ABCB1: variants seen among roughly 807,000 people sequenced by gnomAD.
The protein encoded by ABCB1 is ATP-dependent translocase ABCB1.
A neutral mutation model predicts 142.0 loss-of-function variants in ABCB1; 69 were observed. The ratio of observed to expected loss-of-function variants is 0.49; its 90% CI spans 0.40 to 0.59. The LOEUF (loss-of-function observed/expected upper bound fraction) is 0.59, where lower values mean the gene tolerates loss of function less well. ABCB1 is among the 20% of genes least tolerant of loss of function. ABCB1 has a pLI of 0.00. For missense variants in ABCB1, 1,326 were observed against 1,554.7 expected (o/e 0.85, Z 2.47); for synonymous variants, 532 against 539.2 (o/e 0.99, Z 0.18).
chr7:87,677,323 C>T (rs1450233880), intron 1 of ABCB1, among the ~76,000 whole-genome samples: 1 of 142,340 alleles, frequency 7.0e-6, no homozygotes, highest in Non-Finnish European at 1.5e-5. Context: ...CAATGGAATA[C>T]CATTTCAGAT....
intron 1 of ABCB1, among the ~76,000 whole-genome samples, chr7:87,663,529 T>C (rs1055999640): frequency 1.3e-5 from 2 of 152,182 alleles, no homozygotes; most frequent in East Asian, 1.9e-4. Context: ...AAACTTCCAT[T>C]ATTTTTCTAC....
intron 1 of ABCB1, among the ~76,000 whole-genome samples, chr7:87,689,721 A>G (rs988444235): frequency 6.6e-6 from 1 of 152,132 alleles, no homozygotes; most frequent in Admixed American, 6.5e-5. Context: ...CATCTTTCTG[A>G]TGTTCTAATT....
At chr7:87,626,052 TCTCATTCTGTCGCCCAGGCTGAG>T (rs1820430830) in intron 1 of ABCB1, among the ~76,000 whole-genome samples, 1 of 135,644 alleles carries the variant, frequency 7.4e-6, no homozygotes, top group Non-Finnish European at 1.6e-5. Context: ...AGAGATGGAG[TCTCATTCTGTCGCCCAGGCTGAG>T]ACATATATAT....
At chr7:87,640,984 AT>A (rs1331336521) in intron 1 of ABCB1, among the ~76,000 whole-genome samples, 2 of 152,184 alleles carry the variant, frequency 1.3e-5, no homozygotes, top group South Asian at 2.1e-4. Flanking sequence ...TAAAGTTCTT[AT>A]TAATTTAGAA....
At chr7:87,628,797 C>T in intron 1 of ABCB1, 1 of 1,217,028 alleles carries the variant, frequency 8.2e-7, no homozygotes, top group Middle Eastern at 2.8e-4. Context: ...TGGCACGAGA[C>T]AAAAGGGGCA....
rs1815133474 is a variant in ABCB1, at chr7:87,514,183, G to A, written c.3282+1048C>T. Among the ~76,000 whole-genome samples, 3 of 152,180 alleles carry A rather than the reference G, an allele frequency of 2.0e-5. No individual in the cohort carries two copies. The South Asian group carries it at 6.2e-4, about 32-fold the overall frequency. Reference sequence around the variant, plus strand: ...TCTCTTTTCATTTGAGTCATTAAATGCTACCAGCGTCCATACACAGCGGGT... The same window carrying A: ...TCTCTTTTCATTTGAGTCATTAAATACTACCAGCGTCCATACACAGCGGGT... On this transcript the variant is annotated intron_variant, in intron 25 of 27. Transcript: ENST00000622132.
chr7:87,524,974 T>C (rs927559127), intron 21 of ABCB1, among the ~76,000 whole-genome samples: 2 of 152,174 alleles, frequency 1.3e-5, no homozygotes, highest in East Asian at 3.9e-4. Context: ...GGTTTGTAAA[T>C]GTCATTGCTT....
In ABCB1 at chr7:87,585,506, A is replaced by G. The variant is rs1818707774; in HGVS notation, c.286+6T>C. On this transcript the variant is annotated splice_donor_region_variant and intron_variant, in intron 4 of 27. Coordinates refer to ENST00000622132, the MANE Select transcript of ABCB1 (RefSeq NM_001348946.2). Reference sequence around the variant, plus strand: ...CCAATAAAATTGGTACACAAACAATACTTACTTCTATTAGTGATGTTTGAC... The same window carrying G: ...CCAATAAAATTGGTACACAAACAATGCTTACTTCTATTAGTGATGTTTGAC... 6.2e-7 allele frequency: 1 copy of G among 1,613,138 alleles called. No individual in the cohort carries two copies. Among genetic ancestry groups the G allele is most frequent in the Admixed American group, 1.7e-5 (1 of 59,960 alleles).
chr7:87,653,159 C>A, intron 1 of ABCB1, among the ~76,000 whole-genome samples: 1 of 151,994 alleles, frequency 6.6e-6, no homozygotes, highest in East Asian at 1.9e-4. Flanking sequence ...TAGGATATAG[C>A]TGAGAAATAG....
At chr7:87,577,684 G>C (rs756465913) in intron 4 of ABCB1, among the ~76,000 whole-genome samples, 2 of 152,174 alleles carry the variant, frequency 1.3e-5, no homozygotes, top group Non-Finnish European at 2.9e-5. Context: ...CAATGATGTT[G>C]AGCATATTTT....
intron 1 of ABCB1, among the ~76,000 whole-genome samples, chr7:87,698,054 C>A (rs187903502): frequency 6.6e-5 from 10 of 152,296 alleles, no homozygotes; most frequent in Admixed American, 2.0e-4. Context: ...AGGGAGAAGT[C>A]TGTAGATTTC....
intron 1 of ABCB1, among the ~76,000 whole-genome samples, chr7:87,703,970 G>A (rs1227970199): frequency 5.3e-5 from 6 of 113,504 alleles, no homozygotes; most frequent in Non-Finnish European, 6.8e-5. Flanking sequence ...GCCCAGGCTG[G>A]AGTGCAAAGG....
intron 1 of ABCB1, among the ~76,000 whole-genome samples, chr7:87,706,842 C>T (rs2130725948): frequency 6.6e-6 from 1 of 152,206 alleles, no homozygotes; most frequent in African/African-American, 2.4e-5. Flanking sequence ...ATCTGTAGCT[C>T]AAAGCAAAGT....
chr7:87,678,527 CA>C (rs1826605221), intron 1 of ABCB1, among the ~76,000 whole-genome samples: 1 of 151,296 alleles, frequency 6.6e-6, no homozygotes, highest in African/African-American at 2.4e-5. Context: ...TAAAGTTATC[CA>C]AAAAGAAGGT....
intron 22 of ABCB1, 60 bp from the exon 23 acceptor site, chr7:87,519,526 C>A (rs1815399881): frequency 3.1e-6 from 5 of 1,608,672 alleles, no homozygotes; most frequent in Admixed American, 1.7e-5. Flanking sequence ...TAAAATGTAA[C>A]TTTTGATAGG....
chr7:87,618,747 G>A (rs1215429597), intron 1 of ABCB1, among the ~76,000 whole-genome samples: 5 of 152,176 alleles, frequency 3.3e-5, no homozygotes, highest in East Asian at 1.9e-4. Context: ...CTAGGTAGGC[G>A]AAATCTAATC....
chr7:87,531,016 G>A (rs1372263377), intron 21 of ABCB1, among the ~76,000 whole-genome samples: 1 of 152,002 alleles, frequency 6.6e-6, no homozygotes, highest in African/African-American at 2.4e-5. Flanking sequence ...AATAACTAAG[G>A]GAAGGAGGAA....
rs534392165 is a variant in ABCB1 at position 87,659,210 on chromosome 7, C to T, written c.-331+53951G>A. ...TTTGGAATAACAGGAAGAAAGGATA[C>T]AGTAAACAAGAATATGGGTAAATAC... On this transcript the variant is annotated intron_variant, in intron 1 of 28. Transcript: ENST00000265724. The T allele has an allele frequency of 1.2e-3, 533 of 428,546 alleles. 1 individual carries two copies. Among genetic ancestry groups the T allele is most frequent in the Non-Finnish European group, 1.9e-3 (417 of 215,296 alleles). The allele number at this position is 428,546 out of a possible 1,614,324, so 26.5% of individuals were successfully genotyped here.
rs1490310592 is a variant in ABCB1 at position 87,561,268 on chromosome 7, A to G, written c.822T>C (p.Leu274=). The G allele has an allele frequency of 5.0e-6, 8 of 1,613,788 alleles. No homozygotes were observed. In the African/African-American group the frequency reaches 9.3e-5, roughly 19 times the overall value. Residue 274 remains leucine (L), a synonymous_variant, in exon 8 of 28, where the codon CTT becomes CTC. Transcript: ENST00000622132. ...TTTAAAAAAGAAACTCAAACCTTTC[A>G]AGTTCTTTCTTTTGTCCTCCAAATG... The part of the protein sequence containing the change: ...VIAFGGQKKE[L]ERYNKNLEEA...
Sources: allele counts gnomAD v4.1 joint callset (sites outside exome capture counted in the v4.1 genomes callset), GRCh38; gene constraint gnomAD v4.1.1; transcripts MANE v1.5; gene names NCBI Gene and HGNC (gene_info 2026-07-23, HGNC 2026-07-21).